The following WIPF2 variants were observed in gnomAD, a reference collection of about 807,000 sequenced individuals.
The protein encoded by WIPF2 is WAS/WASL interacting protein family member 2.
WIPF2 carries 23 observed loss-of-function variants against 38.8 expected under a neutral mutation model. The ratio of observed to expected loss-of-function variants is 0.59; its 90% CI spans 0.43 to 0.84. WIPF2 has a LOEUF of 0.84. Ranked by LOEUF, WIPF2 falls within the 40% of genes least tolerant of loss-of-function variation. The pLI is 0.00. For synonymous variants in WIPF2, 210 were observed against 223.2 expected, an observed-to-expected ratio of 0.94 and a Z score of 0.53; for missense variants, 574 against 580.5, an observed-to-expected ratio of 0.99 and a Z score of 0.11.
chr17:40,261,035 T>TAAAA (rs34087528), intron 3 of WIPF2, among the ~76,000 whole-genome samples: 1 of 93,570 alleles, frequency 1.1e-5, no homozygotes, highest in South Asian at 3.5e-4. Flanking sequence ...CTCAAAAAGG[T>TAAAA]AAAAAAAAAA....
In WIPF2 at chr17:40,253,337, C is replaced by T. The variant is rs576533096; in HGVS notation, c.-69-3054C>T. ...TTGGCCTCCCAAAGTGCTGGGATTA[C>T]AGGCGTGAGCCACCGCGCCCGGCCT... On this transcript the variant is annotated intron_variant, in intron 1 of 7. Coordinates refer to ENST00000323571, the MANE Select transcript of WIPF2 (RefSeq NM_133264.5). Among the ~76,000 whole-genome samples, 4 of 152,310 alleles carry T rather than the reference C, an allele frequency of 2.6e-5. No individual in the cohort carries two copies. In the East Asian group the frequency reaches 5.8e-4, roughly 22 times the overall value.
intron 1 of WIPF2, among the ~76,000 whole-genome samples, chr17:40,234,099 T>A (rs1319689733): frequency 2.0e-5 from 3 of 151,966 alleles, no homozygotes; most frequent in Admixed American, 6.6e-5. Flanking sequence ...CCAGGCACAG[T>A]GGCTCACGCC....
chr17:40,235,188 C>T (rs1452289609), intron 1 of WIPF2, among the ~76,000 whole-genome samples: 1 of 152,152 alleles, frequency 6.6e-6, no homozygotes, highest in Non-Finnish European at 1.5e-5. Context: ...AGCCACCACG[C>T]CCAGCCCATT....
At chr17:40,245,745 C>T (rs1276107011) in intron 1 of WIPF2, among the ~76,000 whole-genome samples, 1 of 152,086 alleles carries the variant, frequency 6.6e-6, no homozygotes, top group African/African-American at 2.4e-5. Context: ...ACTCCCTACC[C>T]TAGTTGTGAC....
At chr17:40,244,687 C>A (rs534367990) in intron 1 of WIPF2, among the ~76,000 whole-genome samples, 2 of 152,206 alleles carry the variant, frequency 1.3e-5, no homozygotes, top group Non-Finnish European at 2.9e-5. Flanking sequence ...GGAGGATGGC[C>A]TATATATAAA....
chr17:40,271,167 G>A (rs553223836), intron 5 of WIPF2, among the ~76,000 whole-genome samples: 6 of 152,206 alleles, frequency 3.9e-5, no homozygotes, highest in South Asian at 2.1e-4. Context: ...TTTGAGGTGA[G>A]GTTTCATCAT....
intron 1 of WIPF2, among the ~76,000 whole-genome samples, chr17:40,243,253 C>T (rs1328758133): frequency 6.6e-6 from 1 of 152,032 alleles, no homozygotes; most frequent in African/African-American, 2.4e-5. Flanking sequence ...GTTATCAGAG[C>T]TTATTAACAT....
chr17:40,225,489 G>A (rs2030441782), intron 1 of WIPF2, among the ~76,000 whole-genome samples: 2 of 152,136 alleles, frequency 1.3e-5, no homozygotes, highest in Non-Finnish European at 2.9e-5. Context: ...TATCAAATAG[G>A]GGAGCCAGGA....
intron 1 of WIPF2, among the ~76,000 whole-genome samples, chr17:40,241,003 T>C (rs1424580524): frequency 1.3e-5 from 2 of 152,034 alleles, no homozygotes; most frequent in Non-Finnish European, 2.9e-5. Flanking sequence ...TGATGGAACA[T>C]TGATTAATGC....
intron 1 of WIPF2, among the ~76,000 whole-genome samples, chr17:40,255,534 A>C (rs761343181): frequency 6.6e-6 from 1 of 151,668 alleles, no homozygotes; most frequent in Admixed American, 6.6e-5. Context: ...CATGTTGGTC[A>C]GGCTGGCCTT....
intron 5 of WIPF2, among the ~76,000 whole-genome samples, chr17:40,270,177 AAC>A (rs1210164012): frequency 2.7e-5 from 4 of 150,844 alleles, no homozygotes; most frequent in Non-Finnish European, 1.5e-5. Context: ...CATCCTGGCT[AAC>A]ACGGTGAAAC....
Position 40,283,703 on chromosome 17 carries a change from G to C in WIPF2, c.*5478G>C, listed in dbSNP as rs566578982. On this transcript the variant is annotated 3_prime_UTR_variant, in exon 8 of 8. Coordinates refer to ENST00000323571, the MANE Select transcript of WIPF2 (RefSeq NM_133264.5). ...TCAGATTGAGGCTAAAGAAAAGAAG[G>C]GTGGGGACAAAGCATACAGAATGTG... is the stretch of plus-strand genomic sequence containing the variant. 1 of 152,294 alleles carries C rather than the reference G, an allele frequency of 6.6e-6. No individual in the cohort carries two copies. The highest frequency in any genetic ancestry group is 2.1e-4 in the South Asian group (1 of 4,830). 9.4% of individuals were successfully genotyped at this position (152,294 alleles called of 1,614,324 possible). A position where few individuals can be genotyped will look rare whatever the true frequency, so the allele number is the denominator to read the frequency against.
intron 1 of WIPF2, among the ~76,000 whole-genome samples, chr17:40,232,645 CT>C (rs879266407): frequency 2.1e-3 from 288 of 140,094 alleles, no homozygotes; most frequent in African/African-American, 3.3e-3. Context: ...ATTAATTTCT[CT>C]TTTTTTTTTT....
intron 1 of WIPF2, among the ~76,000 whole-genome samples, chr17:40,225,338 A>G (rs1230915027): frequency 6.6e-6 from 1 of 152,132 alleles, no homozygotes; most frequent in Non-Finnish European, 1.5e-5. Context: ...TACTAAAAAA[A>G]AAATGCTGAA....
Position 40,277,407 on chromosome 17 carries a change from C to T in WIPF2, c.1282+223C>T, listed in dbSNP as rs140706065. On this transcript the variant is annotated intron_variant, in intron 7 of 7. Coordinates refer to ENST00000323571, the MANE Select transcript of WIPF2 (RefSeq NM_133264.5). ...ACTAAAAATACAAAATTAGGCTGGGCGCGGTGGCTTATGCCTATAATCCCA... is the reference window on the plus strand; with the variant it reads ...ACTAAAAATACAAAATTAGGCTGGGTGCGGTGGCTTATGCCTATAATCCCA... Among the ~76,000 whole-genome samples, 992 of 152,168 alleles carry T rather than the reference C, an allele frequency of 6.5e-3. 14 individuals carry two copies. Among genetic ancestry groups the T allele is most frequent in the African/African-American group, 0.023 (951 of 41,496 alleles).
chr17:40,235,607 CT>C, intron 1 of WIPF2, among the ~76,000 whole-genome samples: 1 of 132,760 alleles, frequency 7.5e-6, no homozygotes, highest in African/African-American at 2.8e-5. Flanking sequence ...GAGTTTCGCT[CT>C]TGTTGCCCAG....
At chr17:40,225,157 T>C (rs1598463117) in intron 1 of WIPF2, among the ~76,000 whole-genome samples, 1 of 152,302 alleles carries the variant, frequency 6.6e-6, no homozygotes. Context: ...GTCTGTTTCT[T>C]ATTCATCTAG....
intron 1 of WIPF2, among the ~76,000 whole-genome samples, chr17:40,229,236 C>T (rs1382715424): frequency 6.7e-6 from 1 of 149,636 alleles, no homozygotes; most frequent in Non-Finnish European, 1.5e-5. Flanking sequence ...CTCAGCTTCC[C>T]GAGTAGCTAG....
At chr17:40,262,740 G>A in intron 4 of WIPF2, 99 bp downstream of exon 4, 2 of 943,020 alleles carry the variant, frequency 2.1e-6, no homozygotes, top group Non-Finnish European at 3.4e-6. Flanking sequence ...AGAGGTGGGG[G>A]GAAGAAAGAC....
Sources: gnomAD v4.1 joint callset for allele counts (sites outside exome capture counted in the v4.1 genomes callset) on GRCh38, gnomAD v4.1.1 for gene constraint, MANE v1.5 for transcripts, NCBI Gene and HGNC (gene_info 2026-07-23, HGNC 2026-07-21) for gene names.